The following PCDHGA5 variants were observed in gnomAD, a reference collection of about 807,000 sequenced individuals.
PCDHGA5 encodes protocadherin gamma subfamily A, 5.
A neutral mutation model predicts 56.7 loss-of-function variants in PCDHGA5; 36 were observed. That is an observed-to-expected ratio of 0.64 (90% confidence interval 0.49 to 0.84). The LOEUF (loss-of-function observed/expected upper bound fraction) is 0.84. Ranked by LOEUF, PCDHGA5 falls within the 40% of genes least tolerant of loss-of-function variation. The pLI, the probability that PCDHGA5 is intolerant of heterozygous loss-of-function variation, is 0.00. For synonymous variants in PCDHGA5, 563 were observed against 520.2 expected (o/e 1.08, Z -1.12); for missense variants, 1,305 against 1,201.5 (o/e 1.09, Z -1.27).
rs1236813956 is a variant in PCDHGA5, at chr5:141,480,634, TTTCAAAC to T, written c.2422-14170_2422-14164del. On this transcript the variant is annotated intron_variant, in intron 1 of 3. Transcript: ENST00000518069. The stretch of plus-strand genomic sequence containing the variant: ...ACTGGCATTTTCCCTAGAACAATGT[TTTCAAAC>T]TTGGTTGCACATTAAAATCACCTAG... Among the ~76,000 whole-genome samples the T allele has an allele frequency of 3.9e-5, 6 of 152,332 alleles. No individual in the cohort carries two copies. In the East Asian group the frequency reaches 1.2e-3, roughly 29 times the overall value.
At chr5:141,413,058 C>G (rs2095601249) in intron 1 of PCDHGA5, 1 of 1,073,304 alleles carries the variant, frequency 9.3e-7, no homozygotes, top group Non-Finnish European at 1.3e-6. Context: ...AAGCTCACTC[C>G]AGAATTTAAA....
rs1443411888 is a variant in PCDHGA5, at chr5:141,374,687, C to T, written c.2421+7936C>T. 3.7e-6 allele frequency: 6 copies of T among 1,609,326 alleles called. No individual in the cohort carries two copies. In the East Asian group the frequency reaches 6.7e-5, roughly 18 times the overall value. ...GCTGGTGCTGGAGGGCACACTGGAC[C>T]GGGAAGGAGAAGCCGTTTACCGCCT... is the stretch of plus-strand genomic sequence containing the variant. On this transcript the variant is annotated intron_variant, in intron 1 of 3. Transcript: ENST00000518069.
chr5:141,418,542 T>A (rs1260030087), intron 1 of PCDHGA5: 1 of 1,614,028 alleles, frequency 6.2e-7, no homozygotes, highest in South Asian at 1.1e-5. Context: ...ACTGCTCAGA[T>A]AAGAATCCTG....
intron 1 of PCDHGA5, chr5:141,366,985 G>T: frequency 8.1e-6 from 4 of 493,386 alleles, no homozygotes; most frequent in Non-Finnish European, 1.4e-5. Flanking sequence ...AAAGGAAAGT[G>T]GTTAAATATA....
intron 1 of PCDHGA5, chr5:141,403,849 G>C (rs1422192604): frequency 6.2e-7 from 1 of 1,613,560 alleles, no homozygotes; most frequent in South Asian, 1.1e-5. Context: ...AAAATACTGG[G>C]GAAATATCAA....
intron 1 of PCDHGA5, chr5:141,383,907 A>G: frequency 6.2e-7 from 1 of 1,613,958 alleles, no homozygotes; most frequent in Non-Finnish European, 8.5e-7. Flanking sequence ...TACTGATCAC[A>G]GTTTTAGATG....
At position 141,491,099 on chromosome 5, in the gene PCDHGA5, T is replaced by C. The variant is rs1352561414; in HGVS notation, c.2422-3708T>C. 1 of 1,614,176 alleles carries C rather than the reference T, an allele frequency of 6.2e-7. No homozygotes were observed. ...CAGTCCACAGCCCCAGGACTGTTCC[T>C]CGTGTCTACACACACTGGTGAGGTG... On this transcript the variant is annotated intron_variant, in intron 1 of 3. Coordinates refer to ENST00000518069, the MANE Select transcript of PCDHGA5 (RefSeq NM_018918.3). The surrounding 1 kb of genome is among the most constrained non-coding windows in gnomAD (Gnocchi z 6.9).
chr5:141,444,280 T>C (rs1217749098), intron 1 of PCDHGA5, among the ~76,000 whole-genome samples: 1 of 147,614 alleles, frequency 6.8e-6, no homozygotes, highest in East Asian at 2.1e-4. Context: ...CAAGTGATTC[T>C]CCTGCCTCAG....
intron 1 of PCDHGA5, chr5:141,420,076 TCCC>T: frequency 1.9e-6 from 3 of 1,613,956 alleles, no homozygotes; most frequent in Non-Finnish European, 2.5e-6. Context: ...GACCTGTGGG[TCCC>T]CCCAACTACA....
intron 1 of PCDHGA5, chr5:141,394,458 A>C (rs776488659): frequency 6.2e-7 from 1 of 1,614,100 alleles, no homozygotes; most frequent in Non-Finnish European, 8.5e-7. Context: ...CATGTCACTG[A>C]GCCTGTTCGT....
At chr5:141,488,020 T>C (rs985558790) in intron 1 of PCDHGA5, among the ~76,000 whole-genome samples, 3 of 152,174 alleles carry the variant, frequency 2.0e-5, no homozygotes, top group African/African-American at 7.2e-5. Context: ...GTACCTTAAC[T>C]CTAGGTTACC....
chr5:141,387,317 A>C (rs149989100), intron 1 of PCDHGA5, among the ~76,000 whole-genome samples: 9 of 152,348 alleles, frequency 5.9e-5, no homozygotes, highest in African/African-American at 1.4e-4. Flanking sequence ...CTAATGAGTA[A>C]GTATGGAAAA....
intron 1 of PCDHGA5, chr5:141,388,025 G>A (rs986664863): frequency 6.9e-7 from 1 of 1,447,232 alleles, no homozygotes. Flanking sequence ...GCTCCGTAGT[G>A]GGGAACCTCG....
At chr5:141,413,129 A>G in intron 1 of PCDHGA5, 2 of 1,536,352 alleles carry the variant, frequency 1.3e-6, no homozygotes, top group East Asian at 2.3e-5. Context: ...GTTGAAACAC[A>G]CAACGTGTCC....
intron 1 of PCDHGA5, chr5:141,393,863 G>A: frequency 6.2e-7 from 1 of 1,613,968 alleles, no homozygotes; most frequent in Non-Finnish European, 8.5e-7. Context: ...TGATCATTAC[G>A]TCTTTGTTTA....
At chr5:141,468,409 A>G (rs183146641) in intron 1 of PCDHGA5, 1 of 152,230 alleles carries the variant, frequency 6.6e-6, no homozygotes, top group East Asian at 1.9e-4. Flanking sequence ...AACTAATAAT[A>G]AGTTAGATAG....
rs2097423534 is a variant in PCDHGA5 at position 141,431,850 on chromosome 5, C to A, written c.2422-62957C>A. 6.2e-7 allele frequency: 1 copy of A among 1,614,234 alleles called. No individual in the cohort carries two copies. ...GTTCCCGAAAACTCTCCCAGAGGGA[C>A]ATTAATTGCCCTTTTAAATGTAAAT... On this transcript the variant is annotated intron_variant, in intron 1 of 3. Coordinates refer to ENST00000518069, the MANE Select transcript of PCDHGA5 (RefSeq NM_018918.3). This position sits in a 1 kb window ranked among gnomAD's most constrained non-coding sequence, Gnocchi z 4.8.
rs774079222 is a variant in PCDHGA5, at chr5:141,491,314, C to G, written c.2422-3493C>G. On this transcript the variant is annotated intron_variant, in intron 1 of 3. Transcript: ENST00000518069. The surrounding 1 kb of genome is among the most constrained non-coding windows in gnomAD (Gnocchi z 6.9). ...CCCTCCTGAGCGTTCAGACCTTACC[C>G]TTTACCTCATTGTGGCTCTAGCGAC... is the stretch of plus-strand genomic sequence containing the variant. 6 of 1,614,064 alleles carry G rather than the reference C, an allele frequency of 3.7e-6. No individual in the cohort carries two copies. In the South Asian group the frequency reaches 5.5e-5, roughly 15 times the overall value.
chr5:141,398,663 C>T (rs2150753348), intron 1 of PCDHGA5: 2 of 1,614,016 alleles, frequency 1.2e-6, no homozygotes, highest in Non-Finnish European at 1.7e-6. Context: ...CCAAGTTTCT[C>T]ATTAATAATT....
Sources: allele counts gnomAD v4.1 joint callset (sites outside exome capture counted in the v4.1 genomes callset), GRCh38; gene constraint gnomAD v4.1.1; non-coding constraint Gnocchi (gnomAD v3.1); transcripts MANE v1.5; gene names NCBI Gene and HGNC (gene_info 2026-07-23, HGNC 2026-07-21).